The following SNTG1 variants were observed in gnomAD, a reference collection of about 807,000 sequenced individuals.
SNTG1 encodes syntrophin gamma 1, also known as gamma-1-syntrophin.
In SNTG1, 39 loss-of-function variants were observed where a neutral mutation model predicts 74.7. The ratio of observed to expected loss-of-function variants is 0.52; its 90% CI spans 0.40 to 0.68. The LOEUF is 0.68. SNTG1 is among the 30% of genes least tolerant of loss of function. The pLI, the probability that SNTG1 is intolerant of heterozygous loss-of-function variation, is 0.00. For synonymous variants in SNTG1, 254 were observed against 217.1 expected (o/e 1.17, Z -1.49); for missense variants, 685 against 609.5 (o/e 1.12, Z -1.30).
chr8:50,283,030 T>C (rs1383057889), intron 2 of SNTG1, among the ~76,000 whole-genome samples: 1 of 152,194 alleles, frequency 6.6e-6, no homozygotes, highest in Non-Finnish European at 1.5e-5. Flanking sequence ...CAATCGTTTT[T>C]ACAAATGTGT....
intron 18 of SNTG1, among the ~76,000 whole-genome samples, chr8:50,761,332 T>C (rs563677713): frequency 2.0e-5 from 3 of 152,040 alleles, no homozygotes; most frequent in African/African-American, 7.2e-5. Flanking sequence ...TTGCCTTCAG[T>C]AATGTTGTGT....
chr8:50,742,368 G>A (rs986296923), intron 17 of SNTG1, among the ~76,000 whole-genome samples: 1 of 151,820 alleles, frequency 6.6e-6, no homozygotes, highest in Non-Finnish European at 1.5e-5. Context: ...AATAACAGAA[G>A]AAACACTGGA....
intron 15 of SNTG1, among the ~76,000 whole-genome samples, chr8:50,678,051 C>A: frequency 1.3e-5 from 2 of 151,640 alleles, no homozygotes; most frequent in Admixed American, 1.3e-4. Context: ...CACATGTATA[C>A]CTATGTAACA....
intron 1 of SNTG1, among the ~76,000 whole-genome samples, chr8:50,026,976 C>T (rs960233847): frequency 6.6e-6 from 1 of 152,178 alleles, no homozygotes; most frequent in African/African-American, 2.4e-5. Context: ...TCCATTCCCT[C>T]TGGGCAAAGC....
intron 2 of SNTG1, among the ~76,000 whole-genome samples, chr8:50,249,553 C>G (rs765976998): frequency 1.3e-5 from 2 of 152,154 alleles, no homozygotes; most frequent in Non-Finnish European, 2.9e-5. Context: ...CCTTACAGAC[C>G]AGGCAGTGAC....
At chr8:49,997,216 G>C (rs1008526751) in intron 1 of SNTG1, among the ~76,000 whole-genome samples, 2 of 151,920 alleles carry the variant, frequency 1.3e-5, no homozygotes, top group African/African-American at 4.8e-5. Context: ...CAATTGTCTT[G>C]GGTCTATCCA....
intron 2 of SNTG1, among the ~76,000 whole-genome samples, chr8:50,314,177 G>A (rs1167147019): frequency 4.0e-5 from 6 of 149,324 alleles, no homozygotes; most frequent in Non-Finnish European, 7.4e-5. Context: ...ATTCTGATTC[G>A]AATCTGGTTT....
At chr8:50,339,958 G>C (rs996749006) in intron 2 of SNTG1, among the ~76,000 whole-genome samples, 1 of 151,638 alleles carries the variant, frequency 6.6e-6, no homozygotes, top group East Asian at 1.9e-4. Flanking sequence ...ACACAGATAG[G>C]TTAAAAGTAA....
chr8:50,109,452 A>G (rs549688900), intron 1 of SNTG1, among the ~76,000 whole-genome samples: 2 of 152,250 alleles, frequency 1.3e-5, no homozygotes, highest in South Asian at 4.1e-4. Context: ...TAAAACATGG[A>G]GGAATCATAG....
chr8:50,503,803 C>T (rs1160506191), intron 9 of SNTG1, among the ~76,000 whole-genome samples: 1 of 152,108 alleles, frequency 6.6e-6, no homozygotes, highest in Admixed American at 6.5e-5. Flanking sequence ...CAGCACTGTT[C>T]CCAGTATTTT....
At chr8:50,786,533 G>A (rs926085212) in intron 18 of SNTG1, among the ~76,000 whole-genome samples, 2 of 151,796 alleles carry the variant, frequency 1.3e-5, no homozygotes, top group East Asian at 1.9e-4. Flanking sequence ...ATGAAATCCA[G>A]TATAGCCAAA....
chr8:50,204,961 G>C (rs1354433791), intron 2 of SNTG1, among the ~76,000 whole-genome samples: 2 of 152,120 alleles, frequency 1.3e-5, no homozygotes, highest in East Asian at 1.9e-4. Context: ...TCTTAATCCA[G>C]TCTATCATTG....
At chr8:50,260,466 G>C (rs968433758) in intron 2 of SNTG1, among the ~76,000 whole-genome samples, 7 of 151,852 alleles carry the variant, frequency 4.6e-5, no homozygotes, top group Admixed American at 2.6e-4. Flanking sequence ...CTAAAGTACT[G>C]TTGAATGCAG....
intron 13 of SNTG1, among the ~76,000 whole-genome samples, chr8:50,624,871 A>G (rs2094946800): frequency 6.6e-6 from 1 of 152,144 alleles, no homozygotes; most frequent in Admixed American, 6.6e-5. Flanking sequence ...ACACAAGGAA[A>G]GTGACTCTGT....
chr8:50,141,664 A>T (rs2081662476), intron 1 of SNTG1, among the ~76,000 whole-genome samples: 1 of 152,178 alleles, frequency 6.6e-6, no homozygotes, highest in African/African-American at 2.4e-5. Context: ...CAACAAAATG[A>T]CATGAAATCC....
At chr8:50,229,169 T>C (rs2085488732) in intron 2 of SNTG1, among the ~76,000 whole-genome samples, 1 of 151,278 alleles carries the variant, frequency 6.6e-6, no homozygotes. Flanking sequence ...AATGCTCAAT[T>C]AAAACCCACT....
At chr8:49,958,657 G>A (rs1021030333) in intron 1 of SNTG1, among the ~76,000 whole-genome samples, 9 of 152,128 alleles carry the variant, frequency 5.9e-5, no homozygotes, top group African/African-American at 2.2e-4. Flanking sequence ...CTGACCTCGT[G>A]ATCCACCCGC....
intron 2 of SNTG1, among the ~76,000 whole-genome samples, chr8:50,356,317 T>C (rs1261502421): frequency 6.6e-6 from 1 of 152,120 alleles, no homozygotes. Context: ...TCAGGATTCC[T>C]AATAGAGAAG....
At chr8:50,296,633 G>A (rs2089389724) in intron 2 of SNTG1, among the ~76,000 whole-genome samples, 1 of 152,056 alleles carries the variant, frequency 6.6e-6, no homozygotes, top group South Asian at 2.1e-4. Context: ...GCAAGGGGAG[G>A]GAAAGCATTA....
Sources: allele counts gnomAD v4.1 joint callset (sites outside exome capture counted in the v4.1 genomes callset), GRCh38; gene constraint gnomAD v4.1.1; transcripts MANE v1.5; gene names NCBI Gene and HGNC (gene_info 2026-07-23, HGNC 2026-07-21).